CAMK2A: variants seen among roughly 807,000 people sequenced by gnomAD.
CAMK2A encodes calcium/calmodulin-dependent protein kinase type II subunit alpha.
A neutral mutation model predicts 79.2 loss-of-function variants in CAMK2A; 7 were observed. The ratio of observed to expected loss-of-function variants is 0.09; its 90% CI spans 0.05 to 0.17. The LOEUF is 0.17. CAMK2A is among the 10% of genes least tolerant of loss of function. CAMK2A has a pLI of 1.00. For missense variants in CAMK2A, 214 were observed against 646.4 expected, an observed-to-expected ratio of 0.33 and a Z score of 7.25; for synonymous variants, 242 against 251.7, an observed-to-expected ratio of 0.96 and a Z score of 0.36.
At chr5:150,273,429 C>T (rs1412164843) in intron 1 of CAMK2A, among the ~76,000 whole-genome samples, 1 of 152,230 alleles carries the variant, frequency 6.6e-6, no homozygotes, top group African/African-American at 2.4e-5. Flanking sequence ...TGCTGTAAAA[C>T]ATTAGAATCA....
At chr5:150,246,678 G>A (rs1018589828) in intron 12 of CAMK2A, among the ~76,000 whole-genome samples, 2 of 152,276 alleles carry the variant, frequency 1.3e-5, no homozygotes, top group Non-Finnish European at 1.5e-5. Flanking sequence ...TTCAGTTTAC[G>A]GAATGGCAGG....
At chr5:150,275,711 A>C (rs968980285) in intron 1 of CAMK2A, among the ~76,000 whole-genome samples, 1 of 152,194 alleles carries the variant, frequency 6.6e-6, no homozygotes, top group Non-Finnish European at 1.5e-5. Flanking sequence ...GGTACAGATG[A>C]ACAGCTAGAT....
At chr5:150,282,437 A>G (rs866631550) in intron 1 of CAMK2A, among the ~76,000 whole-genome samples, 7 of 152,280 alleles carry the variant, frequency 4.6e-5, no homozygotes, top group African/African-American at 1.7e-4. Context: ...GAGCCCAGCA[A>G]GGCAAGGGAC....
intron 12 of CAMK2A, 74 bp downstream of exon 12, chr5:150,247,698 C>T (rs1755631388): frequency 7.8e-7 from 1 of 1,279,908 alleles, no homozygotes; most frequent in Non-Finnish European, 1.1e-6. Context: ...GGGGGCACTC[C>T]AATATCTGAC....
intron 2 of CAMK2A, among the ~76,000 whole-genome samples, chr5:150,267,637 G>A (rs1051607803): frequency 3.3e-5 from 5 of 152,048 alleles, no homozygotes; most frequent in African/African-American, 1.2e-4. Flanking sequence ...AATATTTCTG[G>A]TAACTCTGTT....
chr5:150,242,322 A>G lies in CAMK2A; in HGVS notation c.985-2586T>C, dbSNP rs73281759. Among the ~76,000 whole-genome samples the G allele has an allele frequency of 4.5e-3, 686 of 152,316 alleles. 6 individuals carry two copies. Among genetic ancestry groups the G allele is most frequent in the African/African-American group, 0.016 (664 of 41,564 alleles). Reference sequence around the variant, plus strand: ...TAGAAACCGCATCTCTTAGAATCACATGTGGAAGCATGGTTCTAAGGTTAG... The same window carrying G: ...TAGAAACCGCATCTCTTAGAATCACGTGTGGAAGCATGGTTCTAAGGTTAG... On this transcript the variant is annotated intron_variant, in intron 13 of 18. Coordinates refer to ENST00000671881, the MANE Select transcript of CAMK2A (RefSeq NM_015981.4).
intron 2 of CAMK2A, among the ~76,000 whole-genome samples, chr5:150,272,237 A>G (rs1347701950): frequency 6.6e-6 from 1 of 152,178 alleles, no homozygotes; most frequent in Non-Finnish European, 1.5e-5. Flanking sequence ...AGTCTAGGTC[A>G]GGGAAAGCCA....
rs1277842792 is a variant in CAMK2A, at chr5:150,284,294, G to A, written c.62+5270C>T. 6.6e-6 allele frequency among the ~76,000 whole-genome samples: 1 copy of A among 152,004 alleles called. No individual in the cohort carries two copies. Among genetic ancestry groups the A allele is most frequent in the African/African-American group, 2.4e-5 (1 of 41,334 alleles). ...CTCTATGCCCTGTCACAGCCAGTGT[G>A]TGTGTGTGTGTCCATGTGCATGTGT... On this transcript the variant is annotated intron_variant, in intron 1 of 18. Coordinates refer to ENST00000671881, the MANE Select transcript of CAMK2A (RefSeq NM_015981.4). This position sits in a 1 kb window ranked among gnomAD's most constrained non-coding sequence, Gnocchi z 5.3.
At chr5:150,286,389 G>A (rs1757427648) in intron 1 of CAMK2A, among the ~76,000 whole-genome samples, 1 of 152,362 alleles carries the variant, frequency 6.6e-6, no homozygotes, top group East Asian at 1.9e-4. Flanking sequence ...GGCTGGAGAA[G>A]AGCAGCTACT....
intron 15 of CAMK2A, among the ~76,000 whole-genome samples, chr5:150,235,182 T>G (rs914784289): frequency 6.6e-6 from 1 of 152,340 alleles, no homozygotes. Context: ...GACTTGGCTG[T>G]GTCTCCAGCT....
chr5:150,278,847 A>C (rs1757085409), intron 1 of CAMK2A, among the ~76,000 whole-genome samples: 1 of 152,088 alleles, frequency 6.6e-6, no homozygotes, highest in Non-Finnish European at 1.5e-5. Flanking sequence ...TGTAGGTGTG[A>C]CAAAGCACAC....
intron 12 of CAMK2A, among the ~76,000 whole-genome samples, chr5:150,247,384 C>T (rs535488876): frequency 1.3e-5 from 2 of 152,352 alleles, no homozygotes; most frequent in South Asian, 2.1e-4. Flanking sequence ...AGTGGAAGCA[C>T]GGGACTGCTT....
At chr5:150,228,573 C>G (rs1449018349) in intron 16 of CAMK2A, among the ~76,000 whole-genome samples, 8 of 152,180 alleles carry the variant, frequency 5.3e-5, no homozygotes, top group Non-Finnish European at 1.0e-4. Flanking sequence ...GAATAGTGTA[C>G]AGGGCTGTGC....
intron 1 of CAMK2A, among the ~76,000 whole-genome samples, chr5:150,277,378 G>A (rs1234786804): frequency 6.6e-6 from 1 of 152,236 alleles, no homozygotes; most frequent in Non-Finnish European, 1.5e-5. Context: ...GTCCTGCTGT[G>A]TATCCTGTCT....
Position 150,275,679 on chromosome 5 carries a change from T to C in CAMK2A, c.63-2520A>G, listed in dbSNP as rs546425939. Among the ~76,000 whole-genome samples the C allele has an allele frequency of 2.6e-5, 4 of 152,340 alleles. No individual in the cohort carries two copies. The South Asian group carries it at 8.3e-4, about 32-fold the overall frequency. ...TACCAGTTGTGCATGTGTGTGTGTT[T>C]ACATTAAAGGTTATGATAAAGGGTA... On this transcript the variant is annotated intron_variant, in intron 1 of 18. Transcript: ENST00000671881.
At chr5:150,280,268 C>G (rs1363708116) in intron 1 of CAMK2A, among the ~76,000 whole-genome samples, 1 of 152,158 alleles carries the variant, frequency 6.6e-6, no homozygotes, top group Non-Finnish European at 1.5e-5. Flanking sequence ...CTGGGGACAG[C>G]AATCACCCAA....
chr5:150,281,410 G>C (rs1413618169), intron 1 of CAMK2A, among the ~76,000 whole-genome samples: 1 of 152,246 alleles, frequency 6.6e-6, no homozygotes, highest in Non-Finnish European at 1.5e-5. Context: ...TGGGGGAAGA[G>C]AAAGAGCTGG....
chr5:150,269,888 A>G (rs934467454), intron 2 of CAMK2A, among the ~76,000 whole-genome samples: 2 of 152,184 alleles, frequency 1.3e-5, no homozygotes, highest in African/African-American at 2.4e-5. Flanking sequence ...AGGGAACTGA[A>G]TGACACTCTA....
At chr5:150,280,740 C>T (rs1052422888) in intron 1 of CAMK2A, among the ~76,000 whole-genome samples, 4 of 152,114 alleles carry the variant, frequency 2.6e-5, no homozygotes, top group Admixed American at 6.6e-5. Flanking sequence ...GCTTTGAGCT[C>T]GCCCTTCCTT....
Sources: gnomAD v4.1 joint callset for allele counts (sites outside exome capture counted in the v4.1 genomes callset) on GRCh38, gnomAD v4.1.1 for gene constraint, Gnocchi (gnomAD v3.1) non-coding constraint, MANE v1.5 for transcripts, NCBI Gene and HGNC (gene_info 2026-07-23, HGNC 2026-07-21) for gene names.